The following NDUFAF6 variants were observed in gnomAD, a reference collection of about 807,000 sequenced individuals.
The protein encoded by NDUFAF6 is NADH dehydrogenase (ubiquinone) complex I, assembly factor 6.
In NDUFAF6, 45 loss-of-function variants were observed where a neutral mutation model predicts 40.8. The observed-to-expected ratio is 1.10, with a 90% CI of 0.87 to 1.42. NDUFAF6 has a LOEUF of 1.42. NDUFAF6 is among the 40% of genes most tolerant of loss of function. The probability of loss-of-function intolerance (pLI) is 0.00; values close to 1 mark genes in which losing one functional copy is unlikely to be tolerated. For missense variants in NDUFAF6, 435 were observed against 418.5 expected, an observed-to-expected ratio of 1.04 and a Z score of -0.34; for synonymous variants, 185 against 155.9, an observed-to-expected ratio of 1.19 and a Z score of -1.39.
chr8:94,927,246 T>C (rs1477196907), intron 1 of NDUFAF6: 1 of 152,616 alleles, frequency 6.6e-6, no homozygotes, highest in East Asian at 1.9e-4. Context: ...TCGTTTTTCT[T>C]AAGAGTACAT....
intron 2 of NDUFAF6, among the ~76,000 whole-genome samples, chr8:94,948,927 C>T (rs1275464180): frequency 6.6e-6 from 1 of 151,226 alleles, no homozygotes; most frequent in Non-Finnish European, 1.5e-5. Flanking sequence ...AGCCTCTGTC[C>T]GCGCCCTGGG....
chr8:95,048,842 GTGTCTTTCTGCC>G lies in NDUFAF6; in HGVS notation c.816+286_816+297del, dbSNP rs368033841. On this transcript the variant is annotated intron_variant, in intron 7 of 8. Transcript: ENST00000396124. ...ATCCACTTCTCTCTTGGAAGACAGG[GTGTCTTTCTGCC>G]TTCCAAGGCTGATGCCTCTCGTCCC... 5.0e-3 allele frequency among the ~76,000 whole-genome samples: 768 copies of G among 152,270 alleles called. 7 individuals are homozygous for G. The highest frequency in any genetic ancestry group is 0.018 in the African/African-American group (747 of 41,536).
chr8:95,081,143 C>CT (rs559573385), downstream of NDUFAF6, among the ~76,000 whole-genome samples: 16 of 57,712 alleles, frequency 2.8e-4, 1 homozygote, highest in African/African-American at 8.8e-4. Context: ...AGTCCTGCAT[C>CT]TTTTTTTTTT....
At chr8:94,939,917 G>C in intron 1 of NDUFAF6, 3 of 1,614,140 alleles carry the variant, frequency 1.9e-6, no homozygotes, top group Non-Finnish European at 8.5e-7. Flanking sequence ...ACTGAGACCA[G>C]GGCAGGAGTT....
chr8:94,972,970 G>A (rs1457462042), intron 1 of NDUFAF6, among the ~76,000 whole-genome samples: 1 of 152,156 alleles, frequency 6.6e-6, no homozygotes, highest in Non-Finnish European at 1.5e-5. Context: ...TCAGCACTTT[G>A]GGAGGCCAAG....
intron 1 of NDUFAF6, chr8:94,926,017 C>T (rs370439320): frequency 6.6e-6 from 1 of 152,582 alleles, no homozygotes; most frequent in Non-Finnish European, 1.5e-5. Context: ...AAAACTGTAA[C>T]TCCAGGTAGT....
intron 2 of NDUFAF6, chr8:94,989,031 G>A (rs1826072941): frequency 6.6e-6 from 1 of 152,168 alleles, no homozygotes; most frequent in African/African-American, 2.4e-5. Flanking sequence ...GTTTCATTCT[G>A]GGTTGATGAA....
chr8:95,096,046 A>G (rs533322932), upstream of NDUFAF6, among the ~76,000 whole-genome samples: 1 of 152,184 alleles, frequency 6.6e-6, no homozygotes, highest in Non-Finnish European at 1.5e-5. Flanking sequence ...TTCAGTTTTT[A>G]AGTTTATACA....
intron 3 of NDUFAF6, among the ~76,000 whole-genome samples, chr8:95,037,111 T>C (rs2678827): frequency 0.3 from 45,342 of 152,172 alleles, 7,202 homozygotes; most frequent in Non-Finnish European, 0.36. Flanking sequence ...TGAATATTTA[T>C]AATTTCTTAT....
chr8:94,931,989 C>T, intron 1 of NDUFAF6: 4 of 1,399,488 alleles, frequency 2.9e-6, no homozygotes, highest in Non-Finnish European at 3.9e-6. Context: ...GAAAGAAAGT[C>T]ATTTTTAAAA....
intron 1 of NDUFAF6, among the ~76,000 whole-genome samples, chr8:94,923,702 C>CA (rs1819656291): frequency 6.9e-6 from 1 of 145,648 alleles, no homozygotes; most frequent in African/African-American, 2.5e-5. Flanking sequence ...TTTTTTGAGA[C>CA]AGAGTCTCGC....
At chr8:94,924,396 A>G (rs1296478915) in intron 1 of NDUFAF6, among the ~76,000 whole-genome samples, 3 of 152,104 alleles carry the variant, frequency 2.0e-5, no homozygotes, top group African/African-American at 7.2e-5. Flanking sequence ...ATTGACCTCT[A>G]TTGTGGGGAT....
intron 1 of NDUFAF6, among the ~76,000 whole-genome samples, chr8:94,935,122 G>GAT (rs1379745309): frequency 1.5e-3 from 175 of 115,050 alleles, no homozygotes; most frequent in South Asian, 7.0e-3. Flanking sequence ...TACATAGGTA[G>GAT]ATAGATATAG....
chr8:94,935,776 A>C (rs1456435260), intron 1 of NDUFAF6, among the ~76,000 whole-genome samples: 1 of 152,226 alleles, frequency 6.6e-6, no homozygotes, highest in African/African-American at 2.4e-5. Flanking sequence ...TAGAATTATG[A>C]AAGTTAGGAT....
At chr8:95,025,326 G>A (rs1586993457) in intron 1 of NDUFAF6, 121 bp downstream of exon 1, 1 of 1,046,626 alleles carries the variant, frequency 9.6e-7, no homozygotes, top group East Asian at 3.3e-5. Context: ...GTGCCCCTCT[G>A]GGTGTGCGTT....
At chr8:95,080,506 T>C (rs1453805236), downstream of NDUFAF6, among the ~76,000 whole-genome samples, 1 of 151,500 alleles carries the variant, frequency 6.6e-6, no homozygotes, top group African/African-American at 2.4e-5. Context: ...TAGTGATTTT[T>C]GGTAGTGTAT....
At chr8:95,073,277 C>T (rs1832930434) in intron 9 of NDUFAF6, 1 of 152,274 alleles carries the variant, frequency 6.6e-6, no homozygotes, top group African/African-American at 2.4e-5. Context: ...TCTGCGCTTC[C>T]TGAGGCCAAA....
intron 2 of NDUFAF6, chr8:94,989,449 G>GA (rs1406982677): frequency 6.6e-6 from 1 of 151,744 alleles, no homozygotes; most frequent in Non-Finnish European, 1.5e-5. Context: ...TGAGGGGAGG[G>GA]AAAAAATGGC....
chr8:94,969,102 G>A (rs76815619), intron 1 of NDUFAF6, among the ~76,000 whole-genome samples: 19,905 of 152,116 alleles, frequency 0.13, 1,633 homozygotes, highest in Middle Eastern at 0.23. Flanking sequence ...AGAGGTGGAG[G>A]CTGGCAATAG....
Sources: gnomAD v4.1 joint callset for allele counts (sites outside exome capture counted in the v4.1 genomes callset) on GRCh38, gnomAD v4.1.1 for gene constraint, MANE v1.5 for transcripts, NCBI Gene and HGNC (gene_info 2026-07-23, HGNC 2026-07-21) for gene names.